PPP4R4: variants seen among roughly 807,000 people sequenced by gnomAD.
PPP4R4 encodes protein phosphatase 4 regulatory subunit 4.
PPP4R4 carries 70 observed loss-of-function variants against 121.8 expected under a neutral mutation model. The ratio of observed to expected loss-of-function variants is 0.57; its 90% CI spans 0.47 to 0.70. The LOEUF (loss-of-function observed/expected upper bound fraction) is 0.70, where lower values mean the gene tolerates loss of function less well. Ranked by LOEUF, PPP4R4 falls within the 30% of genes least tolerant of loss-of-function variation. The pLI is 0.00. For missense variants in PPP4R4, 875 were observed against 1,033.6 expected (o/e 0.85, Z 2.10); for synonymous variants, 348 against 355.7 (o/e 0.98, Z 0.24).
chr14:94,268,103 C>G (rs1894137771), intron 23 of PPP4R4, among the ~76,000 whole-genome samples: 2 of 152,200 alleles, frequency 1.3e-5, no homozygotes, highest in African/African-American at 4.8e-5. Context: ...TGATTACTTT[C>G]AGCTCAGTAA....
chr14:94,241,556 T>A (rs1043104612), intron 9 of PPP4R4, among the ~76,000 whole-genome samples: 1 of 152,090 alleles, frequency 6.6e-6, no homozygotes, highest in Non-Finnish European at 1.5e-5. Context: ...TCCTGCGTTA[T>A]GTAAGTTATA....
At chr14:94,246,057 A>G (rs1036245605) in intron 13 of PPP4R4, among the ~76,000 whole-genome samples, 2 of 152,206 alleles carry the variant, frequency 1.3e-5, no homozygotes, top group African/African-American at 4.8e-5. Flanking sequence ...ATTGACAGTA[A>G]TAATATGTAA....
At chr14:94,256,797 A>G (rs1366136214) in intron 17 of PPP4R4, among the ~76,000 whole-genome samples, 193 bp downstream of exon 17, 5 of 152,192 alleles carry the variant, frequency 3.3e-5, no homozygotes, top group Non-Finnish European at 1.5e-5. Context: ...GCACCTAGAC[A>G]TTAAACCTGT....
chr14:94,274,820 C>T (rs912093241), intron 23 of PPP4R4, among the ~76,000 whole-genome samples: 1 of 152,152 alleles, frequency 6.6e-6, no homozygotes, highest in African/African-American at 2.4e-5. Context: ...CATATGTCCA[C>T]ACACAGACTT....
In PPP4R4 at chr14:94,242,296, T is replaced by C. The variant is rs766598487; in HGVS notation, c.1154T>C (p.Ile385Thr). The C allele has an allele frequency of 3.1e-6, 5 of 1,611,952 alleles. No homozygotes were observed. The highest frequency in any genetic ancestry group is 2.2e-5 in the East Asian group (1 of 44,800). Residue 385 changes from isoleucine to threonine, a missense_variant, in exon 11 of 25, where the codon ATT becomes ACT. Coordinates refer to ENST00000304338, the MANE Select transcript of PPP4R4 (RefSeq NM_058237.2). ...CCCTTCCACCTCCACCAGGCCATGA[T>C]TGTTTTTGTTGATCCTAAAAACTTC... ...KNCAYNFPAM[I>T]VFVDPKNFHM...
chr14:94,278,664 G>A lies in PPP4R4; in HGVS notation c.*21G>A, dbSNP rs114762247. 419 of 1,560,294 alleles carry A rather than the reference G, an allele frequency of 2.7e-4. 2 individuals carry two copies. In the African/African-American group the frequency reaches 5.3e-3, roughly 20 times the overall value. On this transcript the variant is annotated 3_prime_UTR_variant, in exon 25 of 25. Transcript: ENST00000304338. The stretch of plus-strand genomic sequence containing the variant: ...CTTAAATCAACTGCTTGATGAAGGA[G>A]GCAAAACAAAGGCAGCAGGAGATAA...
At chr14:94,218,793 A>G (rs1357943037) in intron 3 of PPP4R4, among the ~76,000 whole-genome samples, 1 of 152,154 alleles carries the variant, frequency 6.6e-6, no homozygotes, top group Non-Finnish European at 1.5e-5. Context: ...AAACTGCTGA[A>G]AATAAAAAGG....
intron 14 of PPP4R4, among the ~76,000 whole-genome samples, chr14:94,247,880 C>T (rs145815247): frequency 6.8e-4 from 104 of 152,152 alleles, no homozygotes; most frequent in African/African-American, 2.2e-3. Flanking sequence ...TGTTAAAAAC[C>T]CTCAGCAAAC....
intron 2 of PPP4R4, among the ~76,000 whole-genome samples, chr14:94,196,897 T>C (rs1753662282): frequency 6.6e-6 from 1 of 152,166 alleles, no homozygotes; most frequent in South Asian, 2.1e-4. Context: ...GGAATATTAG[T>C]CTGCTCCTTA....
intron 3 of PPP4R4, among the ~76,000 whole-genome samples, chr14:94,210,614 G>A (rs975341785): frequency 2.6e-5 from 4 of 152,034 alleles, no homozygotes; most frequent in South Asian, 2.1e-4. Flanking sequence ...GCTGTACTCC[G>A]TTTAAAAGAG....
At chr14:94,246,227 C>A in intron 13 of PPP4R4, 130 bp from the exon 14 acceptor site, 1 of 681,932 alleles carries the variant, frequency 1.5e-6, no homozygotes. Flanking sequence ...CTCCTTGTGA[C>A]AACTAAGATG....
At chr14:94,240,921 G>A (rs1892598071) in intron 9 of PPP4R4, 126 bp downstream of exon 9, 2 of 1,193,530 alleles carry the variant, frequency 1.7e-6, no homozygotes, top group Middle Eastern at 3.1e-4. Context: ...AAAATCTTAT[G>A]AGATCTTAGA....
chr14:94,278,446 C>T (rs535036514), intron 24 of PPP4R4, among the ~76,000 whole-genome samples, 173 bp from the exon 25 acceptor site: 12 of 152,118 alleles, frequency 7.9e-5, no homozygotes, highest in South Asian at 2.1e-4. Context: ...CATTTTTTCC[C>T]TTAATCAGAC....
At chr14:94,194,918 A>G (rs140024172) in intron 2 of PPP4R4, among the ~76,000 whole-genome samples, 20 of 152,274 alleles carry the variant, frequency 1.3e-4, no homozygotes, top group African/African-American at 4.3e-4. Flanking sequence ...CTGATACACA[A>G]CCTTTTCACA....
chr14:94,263,506 G>A (rs564674671), intron 19 of PPP4R4, among the ~76,000 whole-genome samples: 2 of 152,238 alleles, frequency 1.3e-5, no homozygotes, highest in African/African-American at 4.8e-5. Context: ...GAATTTGTGT[G>A]ACTAAAGTGG....
intron 2 of PPP4R4, among the ~76,000 whole-genome samples, chr14:94,203,204 A>G (rs1890286102): frequency 6.6e-6 from 1 of 152,124 alleles, no homozygotes; most frequent in Admixed American, 6.5e-5. Context: ...CTGCTCCTGT[A>G]TCTCTCCTTA....
At chr14:94,248,617 C>T (rs529189653) in intron 14 of PPP4R4, among the ~76,000 whole-genome samples, 29 of 152,280 alleles carry the variant, frequency 1.9e-4, no homozygotes, top group African/African-American at 6.7e-4. Context: ...CCTCTGTTTA[C>T]CCAGTGTCCT....
chr14:94,191,971 C>T (rs1889626180), intron 2 of PPP4R4, among the ~76,000 whole-genome samples: 1 of 152,010 alleles, frequency 6.6e-6, no homozygotes, highest in Admixed American at 6.6e-5. Context: ...AGTCACATGA[C>T]TTTGGGTGAA....
intron 2 of PPP4R4, among the ~76,000 whole-genome samples, chr14:94,183,977 ATAT>A (rs1889125658): frequency 1.3e-5 from 2 of 152,238 alleles, no homozygotes; most frequent in East Asian, 3.9e-4. Flanking sequence ...CAATGTAATC[ATAT>A]TATAACATAT....
Sources: gnomAD v4.1 joint callset for allele counts (sites outside exome capture counted in the v4.1 genomes callset) on GRCh38, gnomAD v4.1.1 for gene constraint, MANE v1.5 for transcripts, NCBI Gene and HGNC (gene_info 2026-07-23, HGNC 2026-07-21) for gene names.